The following VIT variants were observed in gnomAD, a reference collection of about 807,000 sequenced individuals.
VIT encodes vitrin.
VIT carries 99 observed loss-of-function variants against 78.0 expected under a neutral mutation model. The ratio of observed to expected loss-of-function variants is 1.27; its 90% CI spans 1.08 to 1.50. The LOEUF (loss-of-function observed/expected upper bound fraction) is 1.50, where lower values mean the gene tolerates loss of function less well. Ranked by LOEUF, VIT falls within the 40% of genes most tolerant of loss-of-function variation. The pLI, the probability that VIT is intolerant of heterozygous loss-of-function variation, is 0.00. For missense variants in VIT, 1,126 were observed against 875.3 expected, an observed-to-expected ratio of 1.29 and a Z score of -3.61; for synonymous variants, 374 against 334.3, an observed-to-expected ratio of 1.12 and a Z score of -1.29.
At chr2:36,697,646 T>C (rs752721587) in intron 1 of VIT, among the ~76,000 whole-genome samples, 5 of 152,244 alleles carry the variant, frequency 3.3e-5, no homozygotes, top group Non-Finnish European at 7.3e-5. Context: ...TAAGTATGAT[T>C]TGTGTCCAAC....
chr2:36,749,577 T>G (rs1181130824), intron 4 of VIT, among the ~76,000 whole-genome samples: 1 of 152,230 alleles, frequency 6.6e-6, no homozygotes, highest in Admixed American at 6.5e-5. Flanking sequence ...ACTACTCTTA[T>G]GCACATCTTA....
chr2:36,797,653 A>G (rs1451726206), intron 12 of VIT, among the ~76,000 whole-genome samples: 1 of 152,176 alleles, frequency 6.6e-6, no homozygotes, highest in African/African-American at 2.4e-5. Context: ...GTGAGGTTCA[A>G]GAAAGGGGAC....
intron 15 of VIT, among the ~76,000 whole-genome samples, chr2:36,813,266 A>G (rs1422211463): frequency 6.6e-6 from 1 of 151,896 alleles, no homozygotes; most frequent in African/African-American, 2.4e-5. Flanking sequence ...CCTGGCAAAC[A>G]TGGTGAAACC....
At chr2:36,782,824 T>C (rs541443619) in intron 10 of VIT, among the ~76,000 whole-genome samples, 1 of 152,362 alleles carries the variant, frequency 6.6e-6, no homozygotes, top group African/African-American at 2.4e-5. Flanking sequence ...AGCCCTCTTA[T>C]GTGAGTTACT....
chr2:36,788,915 G>A (rs1665289954), intron 12 of VIT, among the ~76,000 whole-genome samples: 1 of 152,156 alleles, frequency 6.6e-6, no homozygotes, highest in South Asian at 2.1e-4. Context: ...GAGAACAAAT[G>A]TTGCAGGGAA....
At chr2:36,698,953 A>T (rs1277678535) in intron 1 of VIT, among the ~76,000 whole-genome samples, 2 of 149,538 alleles carry the variant, frequency 1.3e-5, no homozygotes, top group Admixed American at 1.3e-4. Context: ...CAAAAAAAAG[A>T]AAAGAAAAGA....
At chr2:36,812,844 T>C (rs1455196036) in intron 15 of VIT, among the ~76,000 whole-genome samples, 3 of 145,872 alleles carry the variant, frequency 2.1e-5, no homozygotes, top group Non-Finnish European at 4.5e-5. Context: ...AGTGTCTTGG[T>C]TTTGTTTTTT....
chr2:36,753,947 C>G (rs1471955573), intron 4 of VIT, among the ~76,000 whole-genome samples: 1 of 152,116 alleles, frequency 6.6e-6, no homozygotes, highest in Non-Finnish European at 1.5e-5. Context: ...CCAGGTGAGT[C>G]CTGCAACCTC....
chr2:36,767,494 A>T (rs1292390913), intron 7 of VIT, among the ~76,000 whole-genome samples: 2 of 152,248 alleles, frequency 1.3e-5, no homozygotes, highest in African/African-American at 2.4e-5. Context: ...TTCTGAAGAT[A>T]GAATACTTTC....
In VIT at chr2:36,791,444, C is replaced by T. The variant is rs552497718; in HGVS notation, c.1058+4168C>T. 3.2e-4 allele frequency among the ~76,000 whole-genome samples: 48 copies of T among 152,284 alleles called. No individual in the cohort carries two copies. The South Asian group carries it at 4.8e-3, about 15-fold the overall frequency. On this transcript the variant is annotated intron_variant, in intron 12 of 15. Coordinates refer to ENST00000379242, the MANE Select transcript of VIT (RefSeq NM_053276.4). ...TGTCAATGTCCAAATCCCTGGAAAC[C>T]GTGAATGTTTTACCTCACACAGCAG...
At chr2:36,775,611 C>A (rs564959075) in intron 9 of VIT, among the ~76,000 whole-genome samples, 2 of 152,314 alleles carry the variant, frequency 1.3e-5, no homozygotes, top group South Asian at 4.1e-4. Context: ...TGTTTCTTCT[C>A]CATTCTCCTT....
At position 36,770,243 on chromosome 2, in the gene VIT, C is replaced by T. The variant is rs185956952; in HGVS notation, c.679+2958C>T. Among the ~76,000 whole-genome samples the T allele has an allele frequency of 9.3e-4, 142 of 152,338 alleles. 1 individual carries two copies. Among genetic ancestry groups the T allele is most frequent in the South Asian group, 8.3e-4 (4 of 4,830 alleles). ...TCCCATCAAGATCCCTGCAGCAAGT[C>T]GCTTCGGCTTAGGACACCTGAAGGG... On this transcript the variant is annotated intron_variant, in intron 7 of 15. Coordinates refer to ENST00000379242, the MANE Select transcript of VIT (RefSeq NM_053276.4).
chr2:36,715,542 A>T (rs1205170045), intron 1 of VIT, among the ~76,000 whole-genome samples: 3 of 152,226 alleles, frequency 2.0e-5, no homozygotes, highest in East Asian at 1.9e-4. Context: ...TCTAAAAAAA[A>T]AAATAAAAAA....
chr2:36,796,934 C>T (rs1252536058), intron 12 of VIT, among the ~76,000 whole-genome samples: 2 of 152,062 alleles, frequency 1.3e-5, no homozygotes, highest in Non-Finnish European at 2.9e-5. Context: ...AAATGTAATT[C>T]AGTTTTTATA....
chr2:36,783,889 A>G (rs1664924528), intron 11 of VIT, among the ~76,000 whole-genome samples: 1 of 152,232 alleles, frequency 6.6e-6, no homozygotes, highest in Non-Finnish European at 1.5e-5. Flanking sequence ...AACACTGGGG[A>G]TGAAGCAGGT....
chr2:36,773,912 T>G, intron 8 of VIT, 65 bp downstream of exon 8: 1 of 1,483,280 alleles, frequency 6.7e-7, no homozygotes, highest in Non-Finnish European at 9.1e-7. Context: ...GCGGTTCCTC[T>G]CCACATCTTT....
chr2:36,764,749 C>T (rs970900549), intron 6 of VIT, among the ~76,000 whole-genome samples: 25 of 152,264 alleles, frequency 1.6e-4, no homozygotes, highest in Non-Finnish European at 3.1e-4. Context: ...CAAAAGACGG[C>T]AGAGTCAGGG....
chr2:36,709,375 T>C (rs2148430029), intron 1 of VIT, among the ~76,000 whole-genome samples: 1 of 152,274 alleles, frequency 6.6e-6, no homozygotes, highest in South Asian at 2.1e-4. Context: ...AGAAATAGTC[T>C]CTACCTCATC....
intron 10 of VIT, among the ~76,000 whole-genome samples, chr2:36,782,413 C>T (rs1428634237): frequency 6.6e-6 from 1 of 152,150 alleles, no homozygotes; most frequent in African/African-American, 2.4e-5. Context: ...TGACCTTTAA[C>T]GGAAGGATGA....
Sources: gnomAD v4.1 joint callset for allele counts (sites outside exome capture counted in the v4.1 genomes callset) on GRCh38, gnomAD v4.1.1 for gene constraint, MANE v1.5 for transcripts, NCBI Gene and HGNC (gene_info 2026-07-23, HGNC 2026-07-21) for gene names.